The following SLIT2 variants were observed in gnomAD, a reference collection of about 807,000 sequenced individuals.
SLIT2 encodes slit homolog 2 protein.
In SLIT2, 41 loss-of-function variants were observed where a neutral mutation model predicts 185.7. That is an observed-to-expected ratio of 0.22 (90% CI 0.17 to 0.29). SLIT2 has a LOEUF of 0.29. Among genes scored for constraint, SLIT2 ranks in the 10% least tolerant of loss-of-function variants. SLIT2 has a pLI of 1.00. For synonymous variants in SLIT2, 693 were observed against 680.2 expected, an observed-to-expected ratio of 1.02 and a Z score of -0.29; for missense variants, 1,571 against 1,909.0, an observed-to-expected ratio of 0.82 and a Z score of 3.30.
At chr4:20,461,221 G>T (rs534987314) in intron 4 of SLIT2, among the ~76,000 whole-genome samples, 1 of 152,254 alleles carries the variant, frequency 6.6e-6, no homozygotes, top group Admixed American at 6.5e-5. Context: ...AAAGCTGAAC[G>T]ATATGGAAGA....
At chr4:20,466,024 G>T (rs16869616) in intron 4 of SLIT2, among the ~76,000 whole-genome samples, 2 of 151,782 alleles carry the variant, frequency 1.3e-5, no homozygotes, top group African/African-American at 2.4e-5. Context: ...TGGAATTGGC[G>T]AAGACAGAAT....
intron 4 of SLIT2, among the ~76,000 whole-genome samples, chr4:20,411,563 G>T (rs1727260544): frequency 6.6e-6 from 1 of 152,168 alleles, no homozygotes; most frequent in South Asian, 2.1e-4. Flanking sequence ...AAATAAGTAT[G>T]ATTATATTCA....
At chr4:20,325,253 C>G (rs1719469296) in intron 4 of SLIT2, among the ~76,000 whole-genome samples, 1 of 151,620 alleles carries the variant, frequency 6.6e-6, no homozygotes, top group Non-Finnish European at 1.5e-5. Context: ...AGGGAACAGC[C>G]TAAACCCAGT....
chr4:20,538,008 G>A (rs1577882721), intron 18 of SLIT2, among the ~76,000 whole-genome samples: 1 of 152,242 alleles, frequency 6.6e-6, no homozygotes, highest in African/African-American at 2.4e-5. Flanking sequence ...CGCCCAGGCT[G>A]GAGTGCTGTG....
intron 4 of SLIT2, among the ~76,000 whole-genome samples, chr4:20,327,252 C>G (rs1013305404): frequency 2.0e-5 from 3 of 151,930 alleles, no homozygotes; most frequent in African/African-American, 7.2e-5. Context: ...AAACATGGGC[C>G]AGCAGAGGTC....
intron 4 of SLIT2, among the ~76,000 whole-genome samples, chr4:20,410,286 T>G (rs1727135447): frequency 7.1e-6 from 1 of 140,462 alleles, no homozygotes. Flanking sequence ...TCTTGCTCTG[T>G]CACCCAGGCT....
chr4:20,490,370 T>C (rs478351), intron 8 of SLIT2, among the ~76,000 whole-genome samples: 115,554 of 151,930 alleles, frequency 0.76, 44,280 homozygotes, highest in East Asian at 0.95. Flanking sequence ...TGATTACATA[T>C]ATACACACAC....
intron 34 of SLIT2, 36 bp from the exon 35 acceptor site, chr4:20,616,874 A>C: frequency 1.3e-6 from 2 of 1,547,974 alleles, no homozygotes; most frequent in East Asian, 2.3e-5. Context: ...AGAAATCCCC[A>C]GAGAGCCTGA....
chr4:20,285,370 A>G (rs1163520149), intron 4 of SLIT2, among the ~76,000 whole-genome samples: 1 of 152,150 alleles, frequency 6.6e-6, no homozygotes, highest in Admixed American at 6.5e-5. Context: ...TCTGCCTATG[A>G]TCTTGATTTA....
intron 4 of SLIT2, among the ~76,000 whole-genome samples, chr4:20,415,871 A>C (rs1560403941): frequency 6.6e-6 from 1 of 152,220 alleles, no homozygotes; most frequent in South Asian, 2.1e-4. Flanking sequence ...AAGATACATA[A>C]AATTATGTTC....
At chr4:20,508,298 C>T (rs188874796) in intron 9 of SLIT2, among the ~76,000 whole-genome samples, 1 of 151,944 alleles carries the variant, frequency 6.6e-6, no homozygotes, top group East Asian at 1.9e-4. Context: ...ACTTATTATA[C>T]CTAAGAAAAT....
intron 4 of SLIT2, among the ~76,000 whole-genome samples, chr4:20,378,657 G>A (rs1313364113): frequency 6.6e-6 from 1 of 152,076 alleles, no homozygotes; most frequent in Non-Finnish European, 1.5e-5. Flanking sequence ...TAACTGGAAG[G>A]TTAATCTAAA....
At chr4:20,545,290 A>G (rs1723148675) in intron 21 of SLIT2, among the ~76,000 whole-genome samples, 1 of 151,970 alleles carries the variant, frequency 6.6e-6, no homozygotes, top group South Asian at 2.1e-4. Flanking sequence ...ACAGCCTTGG[A>G]AGGAGATGAA....
rs147237089 is a variant in SLIT2, at chr4:20,558,471, G to T, written c.2725+4503G>T. Among the ~76,000 whole-genome samples the T allele has an allele frequency of 7.3e-3, 1,114 of 152,076 alleles. 24 individuals are homozygous for T. The highest frequency in any genetic ancestry group is 0.025 in the African/African-American group (1,056 of 41,420). ...TAAAATATTTTATAATTAAGGTATT[G>T]CATTTTAAGACACATTTAACATATA... On this transcript the variant is annotated intron_variant, in intron 26 of 36. Coordinates refer to ENST00000504154, the MANE Select transcript of SLIT2 (RefSeq NM_004787.4).
At chr4:20,486,088 C>A (rs10019416) in intron 6 of SLIT2, 112 bp from the exon 7 acceptor site, 140,601 of 679,140 alleles carry the variant, frequency 0.21, 16,173 homozygotes, top group African/African-American at 0.4. Flanking sequence ...TCATCTCTAC[C>A]AGGTAGCTGT....
intron 29 of SLIT2, among the ~76,000 whole-genome samples, chr4:20,572,872 G>T (rs984320223): frequency 6.6e-6 from 1 of 152,072 alleles, no homozygotes; most frequent in Non-Finnish European, 1.5e-5. Context: ...AACACATTTT[G>T]TGGAAAATAT....
Position 20,367,115 on chromosome 4 carries a change from T to G in SLIT2, c.395+98234T>G, listed in dbSNP as rs924165100. Among the ~76,000 whole-genome samples the G allele has an allele frequency of 2.0e-5, 3 of 152,146 alleles. No homozygotes were observed. The South Asian group carries it at 6.2e-4, about 32-fold the overall frequency. On this transcript the variant is annotated intron_variant, in intron 4 of 36. Transcript: ENST00000504154. ...TACCCAGATGTTTTATGTTTTAAAT[T>G]TATATAAATCCACAGTGGCTGCATC...
chr4:20,423,582 A>G (rs1185661891), intron 4 of SLIT2, among the ~76,000 whole-genome samples: 1 of 152,118 alleles, frequency 6.6e-6, no homozygotes, highest in Non-Finnish European at 1.5e-5. Context: ...AAGTGGTAGA[A>G]TTCTCACTGA....
intron 26 of SLIT2, among the ~76,000 whole-genome samples, chr4:20,562,363 C>T (rs1326952349): frequency 6.6e-6 from 1 of 151,730 alleles, no homozygotes; most frequent in East Asian, 1.9e-4. Context: ...ATCAAATTCT[C>T]AGTAGATTTC....
Sources: gnomAD v4.1 joint callset for allele counts (sites outside exome capture counted in the v4.1 genomes callset) on GRCh38, gnomAD v4.1.1 for gene constraint, MANE v1.5 for transcripts, NCBI Gene and HGNC (gene_info 2026-07-23, HGNC 2026-07-21) for gene names.